Variants in IL20RA observed in about 807,000 individuals in gnomAD.
The protein encoded by IL20RA is interleukin 20 receptor subunit alpha.
IL20RA carries 29 observed loss-of-function variants against 36.5 expected under a neutral mutation model. The ratio of observed to expected loss-of-function variants is 0.79; its 90% CI spans 0.59 to 1.08. IL20RA has a LOEUF of 1.08. IL20RA is among the 50% of genes least tolerant of loss of function. The probability of loss-of-function intolerance (pLI) is 0.00; values close to 1 mark genes in which losing one functional copy is unlikely to be tolerated. For synonymous variants in IL20RA, 279 were observed against 267.1 expected, an observed-to-expected ratio of 1.04 and a Z score of -0.43; for missense variants, 652 against 668.4, an observed-to-expected ratio of 0.98 and a Z score of 0.27.
rs1296044952 is a variant in IL20RA, at chr6:137,001,691, T to TC, written c.1528dup (p.Asp510GlyfsTer11). 6 of 1,613,718 alleles carry TC rather than the reference T, an allele frequency of 3.7e-6. No individual in the cohort carries two copies. Among genetic ancestry groups the TC allele is most frequent in the South Asian group, 1.1e-5 (1 of 91,054 alleles). ...TAGAAGACCCTCCTCTCCGAGCCCA[T>TC]CCCCCTCAGAAGGCTCGCAGCCCTC... On this transcript the variant is annotated frameshift_variant, in exon 7 of 7. Transcript: ENST00000316649. LOFTEE classifies it low-confidence loss of function (END_TRUNC).
rs200948786 is a variant in IL20RA, at chr6:137,004,490, TAATTCACCAGCTATTTAACTTTA to T, written c.864+108_864+130del. 724 of 964,012 alleles carry T rather than the reference TAATTCACCAGCTATTTAACTTTA, an allele frequency of 7.5e-4. 6 individuals are homozygous for T. In the East Asian group the frequency reaches 0.016, roughly 22 times the overall value. The allele number at this position is 964,012 out of a possible 1,614,324, so 59.7% of individuals were successfully genotyped here. A position where few individuals can be genotyped will look rare whatever the true frequency, so the allele number is the denominator to read the frequency against. Reference sequence around the variant, plus strand: ...CATGCCCAGCCCAGAAACTGTTTTTTAATTCACCAGCTATTTAACTTTAAATTCACTCTGCCCTTAAAGGGAAC... The same window carrying T: ...CATGCCCAGCCCAGAAACTGTTTTTTAATTCACTCTGCCCTTAAAGGGAAC... On this transcript the variant is annotated intron_variant, in intron 6 of 6. Transcript: ENST00000316649.
chr6:137,010,625 C>G (rs1775458046), intron 3 of IL20RA, among the ~76,000 whole-genome samples: 1 of 152,104 alleles, frequency 6.6e-6, no homozygotes, highest in Non-Finnish European at 1.5e-5. Flanking sequence ...AGCCATAGCT[C>G]AGGGGATGGC....
At chr6:137,019,301 G>T (rs913950685) in intron 1 of IL20RA, among the ~76,000 whole-genome samples, 2 of 151,900 alleles carry the variant, frequency 1.3e-5, no homozygotes, top group Non-Finnish European at 2.9e-5. Context: ...TAATTTTTTT[G>T]TATTTATAGT....
At chr6:137,015,477 C>A (rs1187890337) in intron 2 of IL20RA, among the ~76,000 whole-genome samples, 2 of 152,172 alleles carry the variant, frequency 1.3e-5, no homozygotes, top group Non-Finnish European at 2.9e-5. Context: ...CATAGCAAAG[C>A]TTTCTGGAAA....
intron 1 of IL20RA, among the ~76,000 whole-genome samples, chr6:137,032,166 C>T (rs1484578424): frequency 2.0e-5 from 3 of 151,608 alleles, no homozygotes; most frequent in African/African-American, 7.3e-5. Flanking sequence ...TGTGTTGTTG[C>T]ATAGGTGGTA....
intron 5 of IL20RA, among the ~76,000 whole-genome samples, chr6:137,007,535 C>T (rs573748981): frequency 5.9e-5 from 9 of 152,160 alleles, no homozygotes; most frequent in South Asian, 2.1e-4. Flanking sequence ...AAGAGCCCTT[C>T]GATGCAGGCA....
chr6:137,009,019 T>A (rs999963901), intron 4 of IL20RA: 12 of 560,592 alleles, frequency 2.1e-5, no homozygotes, highest in Admixed American at 3.2e-5. Flanking sequence ...TTGCTCACAT[T>A]TTTTTCTTCT....
chr6:137,011,492 T>C (rs1775497910), intron 2 of IL20RA, 40 bp from the exon 3 acceptor site: 3 of 1,326,996 alleles, frequency 2.3e-6, no homozygotes, highest in Non-Finnish European at 3.1e-6. Flanking sequence ...AGGTGCCCTC[T>C]ATACTTTACA....
At chr6:137,043,402 C>G (rs1776773261) in intron 1 of IL20RA, among the ~76,000 whole-genome samples, 1 of 152,192 alleles carries the variant, frequency 6.6e-6, no homozygotes, top group East Asian at 1.9e-4. Context: ...CCACAGCGCC[C>G]AGCTTCTCTC....
Position 137,034,347 on chromosome 6 carries a change from T to G in IL20RA, c.88+10294A>C, listed in dbSNP as rs139395444. 1.9e-3 allele frequency among the ~76,000 whole-genome samples: 293 copies of G among 152,364 alleles called. 4 individuals are homozygous for G. In the South Asian group the frequency reaches 0.037, roughly 19 times the overall value. ...AATATGCTGATAGCAGGACTTAGCTTTATTTGTTTGCTAATATTTAAATTT... is the reference window on the plus strand; with the variant it reads ...AATATGCTGATAGCAGGACTTAGCTGTATTTGTTTGCTAATATTTAAATTT... On this transcript the variant is annotated intron_variant, in intron 1 of 6. Transcript: ENST00000316649.
chr6:137,011,689 A>G (rs984822325), intron 2 of IL20RA, among the ~76,000 whole-genome samples: 2 of 152,174 alleles, frequency 1.3e-5, no homozygotes, highest in Admixed American at 1.3e-4. Context: ...TATAATGTGG[A>G]CAGTATATTT....
chr6:137,018,839 T>C (rs1485821565), intron 1 of IL20RA, among the ~76,000 whole-genome samples: 1 of 152,218 alleles, frequency 6.6e-6, no homozygotes, highest in East Asian at 1.9e-4. Flanking sequence ...GCCAAGGATC[T>C]TTCCAGAGCT....
At chr6:137,035,589 C>G (rs1030981221) in intron 1 of IL20RA, among the ~76,000 whole-genome samples, 1 of 152,144 alleles carries the variant, frequency 6.6e-6, no homozygotes, top group Non-Finnish European at 1.5e-5. Context: ...AAGGATGACA[C>G]TGAATGAATG....
chr6:137,042,076 G>T (rs920666778), intron 1 of IL20RA, among the ~76,000 whole-genome samples: 2 of 152,162 alleles, frequency 1.3e-5, no homozygotes, highest in Non-Finnish European at 2.9e-5. Flanking sequence ...ATTGGCAGGA[G>T]AGGCCAAAGT....
Position 137,001,876 on chromosome 6 carries a change from G to A in IL20RA, c.1344C>T (p.Tyr448=), listed in dbSNP as rs137891903. Residue 448 remains tyrosine (Y), a synonymous_variant, in exon 7 of 7, where the codon TAC becomes TAT. Coordinates refer to ENST00000316649, the MANE Select transcript of IL20RA (RefSeq NM_014432.4). ...AGTCTTGGAGCTGAGGGGTGTATGA[G>A]TACTGTAACGTTTGCGGGCCCAAGA... ...LAVLGPQTLQ[Y]SYTPQLQDLD... is the part of the protein sequence containing the mutation. The A allele has an allele frequency of 2.7e-5, 43 of 1,613,668 alleles. No individual in the cohort carries two copies. The highest frequency in any genetic ancestry group is 1.6e-4 in the Middle Eastern group (1 of 6,084).
At chr6:137,032,066 A>AG (rs1393538171) in intron 1 of IL20RA, among the ~76,000 whole-genome samples, 24 of 151,022 alleles carry the variant, frequency 1.6e-4, no homozygotes, top group Non-Finnish European at 2.9e-4. Flanking sequence ...AAAAAAAAAA[A>AG]AAAAAGAAAA....
At chr6:137,010,381 C>T (rs757417246) in intron 3 of IL20RA, among the ~76,000 whole-genome samples, 2 of 152,230 alleles carry the variant, frequency 1.3e-5, no homozygotes, top group African/African-American at 2.4e-5. Context: ...TAGACATCAA[C>T]ATTTCAATTT....
chr6:137,002,288 A>C lies in IL20RA; in HGVS notation c.932T>G (p.Phe311Cys). Residue 311 changes from phenylalanine (F) to cysteine (C), a missense_variant, in exon 7 of 7, where the codon TTT becomes TGT. Phe to Cys is a radical substitution (Grantham distance 205). Coordinates refer to ENST00000316649, the MANE Select transcript of IL20RA (RefSeq NM_014432.4). The part of the protein sequence containing the change: ...FVPAEKIVIN[F>C]ITLNISDDSK... ...ATCATCCGAGATATTGAGGGTGATA[A>C]AGTTAATCACGATTTTTTCAGCAGG... 1 of 1,610,200 alleles carries C rather than the reference A, an allele frequency of 6.2e-7. No individual in the cohort carries two copies. The highest frequency in any genetic ancestry group is 8.5e-7 in the Non-Finnish European group (1 of 1,178,900).
intron 1 of IL20RA, among the ~76,000 whole-genome samples, chr6:137,026,485 AGGCACAGTAACCCAT>A (rs1186861590): frequency 6.6e-6 from 1 of 152,242 alleles, no homozygotes; most frequent in Admixed American, 6.5e-5. Flanking sequence ...GTTTTAATGA[AGGCACAGTAACCCAT>A]GGCATGGCAA....
Sources: allele counts gnomAD v4.1 joint callset (sites outside exome capture counted in the v4.1 genomes callset), GRCh38; gene constraint gnomAD v4.1.1; transcripts MANE v1.5; gene names NCBI Gene and HGNC (gene_info 2026-07-23, HGNC 2026-07-21).